HHAT: variants seen among roughly 807,000 people sequenced by gnomAD.
The protein encoded by HHAT is hedgehog acyltransferase.
Under a neutral mutation model 70.8 loss-of-function variants are expected in HHAT, and 47 were observed. That is an observed-to-expected ratio of 0.66 (90% confidence interval 0.53 to 0.85). HHAT has a LOEUF of 0.85. HHAT is among the 40% of genes least tolerant of loss of function. HHAT has a pLI of 0.00. For synonymous variants in HHAT, 228 were observed against 247.6 expected (o/e 0.92, Z 0.74); for missense variants, 609 against 604.8 (o/e 1.01, Z -0.07).
At chr1:210,567,530 C>A (rs1010796740) in intron 9 of HHAT, among the ~76,000 whole-genome samples, 1 of 152,214 alleles carries the variant, frequency 6.6e-6, no homozygotes, top group African/African-American at 2.4e-5. Flanking sequence ...ATATTTAACT[C>A]AATGGAAATC....
At chr1:210,362,471 C>T (rs1013481455) in intron 2 of HHAT, among the ~76,000 whole-genome samples, 6 of 152,182 alleles carry the variant, frequency 3.9e-5, no homozygotes, top group South Asian at 2.1e-4. Context: ...GTAATCCGCC[C>T]GTCTTGGCCT....
At chr1:210,647,695 G>A (rs947850580) in intron 11 of HHAT, among the ~76,000 whole-genome samples, 9 of 152,184 alleles carry the variant, frequency 5.9e-5, no homozygotes, top group Non-Finnish European at 8.8e-5. Flanking sequence ...ACAAAAAGCC[G>A]AGGGTAAATG....
At chr1:210,620,157 TGG>T (rs1668550331) in intron 10 of HHAT, among the ~76,000 whole-genome samples, 1 of 152,202 alleles carries the variant, frequency 6.6e-6, no homozygotes, top group Non-Finnish European at 1.5e-5. Flanking sequence ...GCCTTTAAAG[TGG>T]AGGCTTTGGC....
At chr1:210,497,193 A>G (rs1238571296) in intron 8 of HHAT, among the ~76,000 whole-genome samples, 6 of 152,232 alleles carry the variant, frequency 3.9e-5, no homozygotes, top group Non-Finnish European at 7.3e-5. Flanking sequence ...GGTATGCCCT[A>G]CTTAAAGGAA....
At chr1:210,640,846 C>T (rs535347026) in intron 11 of HHAT, among the ~76,000 whole-genome samples, 1 of 152,258 alleles carries the variant, frequency 6.6e-6, no homozygotes, top group South Asian at 2.1e-4. Context: ...TTGCAAAGCA[C>T]ATTTATTTGC....
At chr1:210,464,708 T>C in intron 8 of HHAT, 53 bp downstream of exon 8, 4 of 1,602,948 alleles carry the variant, frequency 2.5e-6, no homozygotes, top group Non-Finnish European at 3.4e-6. Context: ...GGGAGGAGCA[T>C]GGCTGGGCCG....
intron 11 of HHAT, among the ~76,000 whole-genome samples, chr1:210,650,067 A>G (rs1254470286): frequency 6.6e-6 from 1 of 152,250 alleles, no homozygotes; most frequent in Non-Finnish European, 1.5e-5. Context: ...AAACCTGTTC[A>G]TCTTGCCTAT....
chr1:210,385,816 G>A (rs1303158222), intron 3 of HHAT, among the ~76,000 whole-genome samples: 1 of 152,202 alleles, frequency 6.6e-6, no homozygotes, highest in African/African-American at 2.4e-5. Flanking sequence ...AGCACTGTGT[G>A]CTGCTACAAA....
At chr1:210,525,396 C>T (rs2095230607) in intron 9 of HHAT, among the ~76,000 whole-genome samples, 1 of 152,194 alleles carries the variant, frequency 6.6e-6, no homozygotes, top group Non-Finnish European at 1.5e-5. Context: ...CCTCATCCTC[C>T]AGATGCAAAC....
chr1:210,428,326 ATATATATATATATATATAT>A (rs2093137129), intron 7 of HHAT, among the ~76,000 whole-genome samples: 2 of 64,122 alleles, frequency 3.1e-5, no homozygotes, highest in Non-Finnish European at 6.7e-5. Flanking sequence ...ATATATATAT[ATATATATATATATATATAT>A]AATTTTGTAG....
intron 7 of HHAT, among the ~76,000 whole-genome samples, chr1:210,418,990 G>A (rs1472766812): frequency 6.6e-6 from 1 of 152,052 alleles, no homozygotes; most frequent in Non-Finnish European, 1.5e-5. Flanking sequence ...CCAAGATCAT[G>A]CCACCACACT....
At chr1:210,594,235 C>T (rs764679167) in intron 10 of HHAT, among the ~76,000 whole-genome samples, 24 of 152,014 alleles carry the variant, frequency 1.6e-4, no homozygotes, top group Non-Finnish European at 5.9e-5. Context: ...TGGTCTTCTC[C>T]TTCTTTCCCT....
At chr1:210,601,136 A>G (rs1664172430) in intron 10 of HHAT, among the ~76,000 whole-genome samples, 1 of 152,116 alleles carries the variant, frequency 6.6e-6, no homozygotes, top group Non-Finnish European at 1.5e-5. Context: ...TGGTAATTCA[A>G]TGTATTGGCC....
chr1:210,398,660 A>T (rs2073039), intron 4 of HHAT, among the ~76,000 whole-genome samples: 1 of 152,090 alleles, frequency 6.6e-6, no homozygotes, highest in Non-Finnish European at 1.5e-5. Context: ...TAATAAAAAC[A>T]TAACTGTGTC....
intron 8 of HHAT, among the ~76,000 whole-genome samples, chr1:210,480,526 T>A (rs1276727455): frequency 6.6e-6 from 1 of 152,194 alleles, no homozygotes; most frequent in Middle Eastern, 3.2e-3. Context: ...TGGAGCTTAT[T>A]CCAGGAGGCA....
chr1:210,580,515 G>C (rs1659016420), intron 9 of HHAT, among the ~76,000 whole-genome samples: 1 of 118,546 alleles, frequency 8.4e-6, no homozygotes, highest in African/African-American at 3.4e-5. Flanking sequence ...AGCAGGCCCT[G>C]GTGTGTGTTG....
intron 7 of HHAT, among the ~76,000 whole-genome samples, chr1:210,449,507 G>A (rs1010564315): frequency 6.6e-6 from 1 of 152,162 alleles, no homozygotes; most frequent in African/African-American, 2.4e-5. Flanking sequence ...CTTTGTCTAT[G>A]CCATTGCTTC....
chr1:210,530,612 G>A (rs529128905), intron 9 of HHAT, among the ~76,000 whole-genome samples: 10 of 152,254 alleles, frequency 6.6e-5, no homozygotes, highest in Non-Finnish European at 1.5e-4. Context: ...GACAAAGGCC[G>A]GGAGAGATGG....
intron 11 of HHAT, among the ~76,000 whole-genome samples, chr1:210,652,430 A>G (rs1335759762): frequency 3.3e-5 from 5 of 152,180 alleles, no homozygotes; most frequent in African/African-American, 1.2e-4. Flanking sequence ...GTGAAATTTG[A>G]GCTGCTACAG....
Sources: allele counts gnomAD v4.1 joint callset (sites outside exome capture counted in the v4.1 genomes callset), GRCh38; gene constraint gnomAD v4.1.1; transcripts MANE v1.5; gene names NCBI Gene and HGNC (gene_info 2026-07-23, HGNC 2026-07-21).